RAB3C: variants seen among roughly 807,000 people sequenced by gnomAD.
RAB3C encodes the protein ras-related protein Rab-3C.
RAB3C carries 17 observed loss-of-function variants against 26.4 expected under a neutral mutation model. The ratio of observed to expected loss-of-function variants is 0.64; its 90% CI spans 0.44 to 0.97. The LOEUF (loss-of-function observed/expected upper bound fraction) is 0.97. Among genes scored for constraint, RAB3C ranks in the 50% least tolerant of loss-of-function variants. RAB3C has a pLI of 0.00. For missense variants in RAB3C, 242 were observed against 281.9 expected (o/e 0.86, Z 1.01); for synonymous variants, 91 against 95.9 (o/e 0.95, Z 0.30).
At chr5:58,820,841 C>G (rs528346532) in intron 3 of RAB3C, among the ~76,000 whole-genome samples, 9 of 151,066 alleles carry the variant, frequency 6.0e-5, no homozygotes, top group East Asian at 5.9e-4. Flanking sequence ...CATTGAGGAG[C>G]AGGGAATGTT....
At chr5:58,654,534 T>C (rs1346847599) in intron 2 of RAB3C, among the ~76,000 whole-genome samples, 1 of 152,194 alleles carries the variant, frequency 6.6e-6, no homozygotes, top group East Asian at 1.9e-4. Context: ...TAATTACTTA[T>C]ATAATTACTT....
intron 2 of RAB3C, among the ~76,000 whole-genome samples, chr5:58,656,082 G>T (rs992289176): frequency 3.3e-5 from 5 of 152,024 alleles, no homozygotes; most frequent in African/African-American, 1.2e-4. Flanking sequence ...ACCGCGCCCG[G>T]CCCTAAACCT....
intron 4 of RAB3C, among the ~76,000 whole-genome samples, chr5:58,834,100 T>C (rs541799285): frequency 6.6e-6 from 1 of 152,354 alleles, no homozygotes; most frequent in East Asian, 1.9e-4. Context: ...TAACCTTCTT[T>C]TTAGCAAAAG....
At chr5:58,693,275 T>G (rs1220449828) in intron 2 of RAB3C, among the ~76,000 whole-genome samples, 3 of 143,270 alleles carry the variant, frequency 2.1e-5, no homozygotes, top group African/African-American at 7.8e-5. Flanking sequence ...ATAATTAAGA[T>G]AAAGTTATAA....
chr5:58,662,110 C>T (rs1747916576), intron 2 of RAB3C, among the ~76,000 whole-genome samples: 1 of 149,650 alleles, frequency 6.7e-6, no homozygotes, highest in Non-Finnish European at 1.5e-5. Context: ...GGGAGGTCTC[C>T]TTTAGGTCTT....
At position 58,746,506 on chromosome 5, in the gene RAB3C, A is replaced by C. The variant is rs564749111; in HGVS notation, c.371+20386A>C. Reference sequence around the variant, plus strand: ...TCCTTATAATATTCTAGAGAACTACATGTGGGAGCTTGAGCTTAACATTAA... The same window carrying C: ...TCCTTATAATATTCTAGAGAACTACCTGTGGGAGCTTGAGCTTAACATTAA... On this transcript the variant is annotated intron_variant, in intron 3 of 4. Coordinates refer to ENST00000282878, the MANE Select transcript of RAB3C (RefSeq NM_138453.4). Among the ~76,000 whole-genome samples the C allele has an allele frequency of 4.2e-4, 64 of 152,326 alleles. 1 individual carries two copies. Among genetic ancestry groups the C allele is most frequent in the African/African-American group, 1.5e-3 (63 of 41,574 alleles).
chr5:58,807,112 G>T (rs1185218276), intron 3 of RAB3C, among the ~76,000 whole-genome samples: 2 of 152,120 alleles, frequency 1.3e-5, no homozygotes, highest in Admixed American at 6.5e-5. Context: ...AACAAGAAAG[G>T]GTTGCTTTAA....
chr5:58,831,505 C>G (rs1743612873), intron 4 of RAB3C, among the ~76,000 whole-genome samples: 1 of 152,182 alleles, frequency 6.6e-6, no homozygotes, highest in African/African-American at 2.4e-5. Flanking sequence ...GTATCTCACT[C>G]TATGTCCAAA....
At chr5:58,653,072 T>C (rs1747692509) in intron 2 of RAB3C, among the ~76,000 whole-genome samples, 1 of 152,094 alleles carries the variant, frequency 6.6e-6, no homozygotes, top group Admixed American at 6.5e-5. Context: ...GCAGCACCCA[T>C]CAACCCGTCA....
In RAB3C at chr5:58,851,738, TTG is replaced by T. The variant is rs57733643; in HGVS notation, c.*414_*415del. 7,284 of 152,518 alleles carry T rather than the reference TTG, an allele frequency of 0.048. 546 individuals carry two copies. Among genetic ancestry groups the T allele is most frequent in the African/African-American group, 0.16 (6,621 of 40,600 alleles). 9.4% of individuals were successfully genotyped at this position (152,518 alleles called of 1,614,324 possible). ...GTAGGAATGATGACCAAGGAATTGC[TTG>T]TGTGTGTGTGTGTGTGTGTGTGTGT... On this transcript the variant is annotated 3_prime_UTR_variant, in exon 5 of 5. Coordinates refer to ENST00000282878, the MANE Select transcript of RAB3C (RefSeq NM_138453.4).
rs772324328 is a variant in RAB3C, at chr5:58,583,245, A to G, written c.24+13A>G. On this transcript the variant is annotated intron_variant, in intron 1 of 4. Coordinates refer to ENST00000282878, the MANE Select transcript of RAB3C (RefSeq NM_138453.4). ...AGCGCCCATGCAGGTGGGTCCATAA[A>G]GAAAGAGTGGCCTCGGGAGGAATTG... is the stretch of plus-strand genomic sequence containing the variant. The G allele has an allele frequency of 1.2e-6, 2 of 1,614,084 alleles. No homozygotes were observed. The highest frequency in any genetic ancestry group is 1.3e-5 in the African/African-American group (1 of 74,950).
intron 2 of RAB3C, among the ~76,000 whole-genome samples, chr5:58,663,065 A>C (rs1747936313): frequency 6.7e-6 from 1 of 150,370 alleles, no homozygotes; most frequent in African/African-American, 2.5e-5. Flanking sequence ...TATAAATAGT[A>C]CTTCTGCATT....
At chr5:58,805,585 A>G (rs548305686) in intron 3 of RAB3C, among the ~76,000 whole-genome samples, 7 of 140,554 alleles carry the variant, frequency 5.0e-5, no homozygotes, top group Non-Finnish European at 1.1e-4. Context: ...GCAAGACTCC[A>G]TCTGAAAAAA....
chr5:58,604,955 T>G (rs936127319), intron 1 of RAB3C, among the ~76,000 whole-genome samples: 2 of 152,202 alleles, frequency 1.3e-5, no homozygotes, highest in African/African-American at 4.8e-5. Context: ...AGGAATGGGC[T>G]GCTTGGGGAC....
At chr5:58,722,622 A>C (rs1476121827) in intron 2 of RAB3C, among the ~76,000 whole-genome samples, 1 of 151,818 alleles carries the variant, frequency 6.6e-6, no homozygotes, top group Non-Finnish European at 1.5e-5. Flanking sequence ...AGCTTTGCTT[A>C]TGCTTTTCAT....
intron 2 of RAB3C, among the ~76,000 whole-genome samples, chr5:58,693,168 T>C (rs1748605049): frequency 6.8e-6 from 1 of 147,002 alleles, no homozygotes; most frequent in African/African-American, 2.5e-5. Context: ...ATATAAATTA[T>C]ATAAATATAA....
At chr5:58,810,385 C>CTCTCTCTCTCTCTG (rs879294409) in intron 3 of RAB3C, among the ~76,000 whole-genome samples, 3 of 147,008 alleles carry the variant, frequency 2.0e-5, no homozygotes, top group East Asian at 2.1e-4. Flanking sequence ...CTCTCTCTCT[C>CTCTCTCTCTCTCTG]TGTGTGTGTG....
intron 2 of RAB3C, among the ~76,000 whole-genome samples, chr5:58,679,482 A>T (rs1748302690): frequency 6.6e-6 from 1 of 152,206 alleles, no homozygotes; most frequent in Non-Finnish European, 1.5e-5. Context: ...CTGTTATAGT[A>T]CAAGCCTGTG....
intron 3 of RAB3C, among the ~76,000 whole-genome samples, chr5:58,747,979 T>C (rs1458763527): frequency 6.6e-6 from 1 of 152,100 alleles, no homozygotes; most frequent in Non-Finnish European, 1.5e-5. Context: ...AAAAAGAGTC[T>C]ATGCTGTTGC....
Sources: gnomAD v4.1 joint callset for allele counts (sites outside exome capture counted in the v4.1 genomes callset) on GRCh38, gnomAD v4.1.1 for gene constraint, MANE v1.5 for transcripts, NCBI Gene and HGNC (gene_info 2026-07-23, HGNC 2026-07-21) for gene names.